The following OR4D2 variants were observed in gnomAD, a reference collection of about 807,000 sequenced individuals.
OR4D2 encodes the protein olfactory receptor family 4 subfamily D member 2.
Under a neutral mutation model 12.4 loss-of-function variants are expected in OR4D2, and 9 were observed. The ratio of observed to expected loss-of-function variants is 0.73; its 90% CI spans 0.44 to 1.27. The LOEUF is 1.27. Ranked by LOEUF, OR4D2 falls within the 50% of genes most tolerant of loss-of-function variation. OR4D2 has a pLI of 0.00. For synonymous variants in OR4D2, 151 were observed against 151.1 expected (o/e 1.00, Z 0.01); for missense variants, 373 against 381.6 (o/e 0.98, Z 0.19).
chr17:58,167,111 G>T (rs779320198), intron 1 of OR4D2, 58 bp downstream of exon 1: 5 of 152,226 alleles, frequency 3.3e-5, no homozygotes, highest in Non-Finnish European at 7.3e-5. Flanking sequence ...ACATTTACCT[G>T]CTAATATATT....
In OR4D2 at chr17:58,170,661, C is replaced by A; in HGVS notation, c.*82C>A. Reference sequence around the variant, plus strand: ...AGGGAGCTACTACCTTTGCTCTCTTCATAGTGTGTTGAGGTTCATCATAGC... The same window carrying A: ...AGGGAGCTACTACCTTTGCTCTCTTAATAGTGTGTTGAGGTTCATCATAGC... On this transcript the variant is annotated 3_prime_UTR_variant, in exon 2 of 2. Transcript: ENST00000545221. 9.1e-7 allele frequency: 1 copy of A among 1,093,614 alleles called. No individual in the cohort carries two copies. The highest frequency in any genetic ancestry group is 1.4e-6 in the Non-Finnish European group (1 of 710,334). 67.7% of individuals were successfully genotyped at this position (1,093,614 alleles called of 1,614,324 possible).
rs536953035 is a variant in OR4D2 at position 58,166,986 on chromosome 17, A to G, written c.-86A>G. 4 of 152,400 alleles carry G rather than the reference A, an allele frequency of 2.6e-5. No individual in the cohort carries two copies. The highest frequency in any genetic ancestry group is 5.9e-5 in the Non-Finnish European group (4 of 68,046). 9.4% of individuals were successfully genotyped at this position (152,400 alleles called of 1,614,324 possible). A position where few individuals can be genotyped will look rare whatever the true frequency, so the allele number is the denominator to read the frequency against. On this transcript the variant is annotated 5_prime_UTR_variant, in exon 1 of 2. Transcript: ENST00000545221. Reference sequence around the variant, plus strand: ...ACGGATGCCTCCGATTACATAGGAAAACAACAAAGCACAGAATTCGCCCTA... The same window carrying G: ...ACGGATGCCTCCGATTACATAGGAAGACAACAAAGCACAGAATTCGCCCTA...
chr17:58,169,455 T>A (rs183560791), intron 1 of OR4D2, 183 bp from the exon 2 acceptor site: 720 of 602,366 alleles, frequency 1.2e-3, no homozygotes, highest in Non-Finnish European at 1.8e-3. Flanking sequence ...GGCGTTAAGA[T>A]TTCAGGAATG....
At chr17:58,168,172 CT>C (rs1477299837) in intron 1 of OR4D2, among the ~76,000 whole-genome samples, 1 of 150,954 alleles carries the variant, frequency 6.6e-6, no homozygotes, top group Non-Finnish European at 1.5e-5. Flanking sequence ...CACTGACCCC[CT>C]CCCCTGTCAC....
rs1220183097 is a variant in OR4D2 at position 58,170,649 on chromosome 17, C to A, written c.*70C>A. ...TGTGAAGTGGAGAGGGAGCTACTACCTTTGCTCTCTTCATAGTGTGTTGAG... is the reference window on the plus strand; with the variant it reads ...TGTGAAGTGGAGAGGGAGCTACTACATTTGCTCTCTTCATAGTGTGTTGAG... On this transcript the variant is annotated 3_prime_UTR_variant, in exon 2 of 2. Coordinates refer to ENST00000545221, the MANE Select transcript of OR4D2 (RefSeq NM_001004707.4). 16 of 1,182,748 alleles carry A rather than the reference C, an allele frequency of 1.4e-5. No individual in the cohort carries two copies. The highest frequency in any genetic ancestry group is 2.3e-5 in the East Asian group (1 of 42,930). The allele number at this position is 1,182,748 out of a possible 1,614,324, so 73.3% of individuals were successfully genotyped here.
rs1483482128 is a variant in OR4D2, at chr17:58,167,015, G to C, written c.-57G>C. 6.6e-6 allele frequency: 1 copy of C among 152,270 alleles called. No individual in the cohort carries two copies. Among genetic ancestry groups the C allele is most frequent in the Non-Finnish European group, 1.5e-5 (1 of 68,054 alleles). 9.4% of individuals were successfully genotyped at this position (152,270 alleles called of 1,614,324 possible). Reference sequence around the variant, plus strand: ...ACAAAGCACAGAATTCGCCCTATGAGACTTAGAGGGAGGATGCTCACAGCA... The same window carrying C: ...ACAAAGCACAGAATTCGCCCTATGACACTTAGAGGGAGGATGCTCACAGCA... On this transcript the variant is annotated 5_prime_UTR_variant, in exon 1 of 2. Coordinates refer to ENST00000545221, the MANE Select transcript of OR4D2 (RefSeq NM_001004707.4).
chr17:58,169,522 G>T, intron 1 of OR4D2, 116 bp from the exon 2 acceptor site: 1 of 721,622 alleles, frequency 1.4e-6, no homozygotes, highest in East Asian at 2.5e-5. Context: ...CTAGTATAAT[G>T]GTCTACACAT....
intron 1 of OR4D2, chr17:58,169,372 GA>G (rs1196042825): frequency 6.8e-6 from 3 of 443,200 alleles, no homozygotes; most frequent in African/African-American, 6.0e-5. Context: ...TTTGACTTCA[GA>G]TGTATCTGAC....
At position 58,169,901 on chromosome 17, in the gene OR4D2, A is replaced by G. The variant is rs756527261; in HGVS notation, c.246A>G (p.Leu82=). ...CTTCAGTCACTGCTCCCAAAATGCTAGTGGACCTCCTCTCTGAGAAGAAAA... is the reference window on the plus strand; with the variant it reads ...CTTCAGTCACTGCTCCCAAAATGCTGGTGGACCTCCTCTCTGAGAAGAAAA... The part of the protein sequence containing the change: ...CFSSVTAPKM[L]VDLLSEKKTI... Residue 82 remains leucine (L), a synonymous_variant, in exon 2 of 2, where the codon CTA becomes CTG. Coordinates refer to ENST00000545221, the MANE Select transcript of OR4D2 (RefSeq NM_001004707.4). The G allele has an allele frequency of 1.2e-6, 2 of 1,614,092 alleles. No homozygotes were observed.
In OR4D2 at chr17:58,170,785, C is replaced by A; in HGVS notation, c.*206C>A. On this transcript the variant is annotated 3_prime_UTR_variant, in exon 2 of 2. Coordinates refer to ENST00000545221, the MANE Select transcript of OR4D2 (RefSeq NM_001004707.4). Reference sequence around the variant, plus strand: ...TTGTGATAAAGAGTTTTAACACACTCGCAACAATGAGAATTGTTCACATGG... The same window carrying A: ...TTGTGATAAAGAGTTTTAACACACTAGCAACAATGAGAATTGTTCACATGG... The A allele has an allele frequency of 1.7e-6, 1 of 578,332 alleles. No individual in the cohort carries two copies. Among genetic ancestry groups the A allele is most frequent in the Non-Finnish European group, 3.1e-6 (1 of 324,782 alleles). The allele number at this position is 578,332 out of a possible 1,614,324, so 35.8% of individuals were successfully genotyped here.
rs1967933932 is a variant in OR4D2 at position 58,169,684 on chromosome 17, C to T, written c.29C>T (p.Ser10Leu). The change falls in exon 2 of 2, where the codon TCA becomes TTA. Residue 10 changes from serine to leucine, a missense_variant. Ser to Leu is a moderately radical substitution (Grantham distance 145, BLOSUM62 -2). Transcript: ENST00000545221. METGNLTWV[S>L]DFVFLGLSQT... is the part of the protein sequence containing the mutation. The stretch of plus-strand genomic sequence containing the variant: ...GAAACAGGGAACCTCACGTGGGTAT[C>T]AGACTTTGTCTTCCTGGGGCTCTCG... 6.2e-7 allele frequency: 1 copy of T among 1,613,966 alleles called. No homozygotes were observed. The highest frequency in any genetic ancestry group is 1.1e-5 in the South Asian group (1 of 91,090).
Position 58,170,423 on chromosome 17 carries a change from C to T in OR4D2, c.768C>T (p.Tyr256=). 6.2e-7 allele frequency: 1 copy of T among 1,614,248 alleles called. No homozygotes were observed. Among genetic ancestry groups the T allele is most frequent in the South Asian group, 1.1e-5 (1 of 91,086 alleles). Residue 256 remains tyrosine (Y), a synonymous_variant, in exon 2 of 2, where the codon TAC becomes TAT. Transcript: ENST00000545221. ...CCATGATCTTCGTTCCAAGCATTTA[C>T]CTCTATGCCCGGCCCTTCACTCCAT... The part of the protein sequence containing the change: ...VVSMIFVPSI[Y]LYARPFTPFP...
At chr17:58,167,751 A>T (rs1327957749) in intron 1 of OR4D2, among the ~76,000 whole-genome samples, 1 of 151,522 alleles carries the variant, frequency 6.6e-6, no homozygotes, top group Non-Finnish European at 1.5e-5. Context: ...GCGGTGGCTC[A>T]TGCCTGTAAT....
At chr17:58,168,788 A>T (rs567456751) in intron 1 of OR4D2, among the ~76,000 whole-genome samples, 2 of 152,048 alleles carry the variant, frequency 1.3e-5, no homozygotes, top group African/African-American at 4.8e-5. Flanking sequence ...CTCTTGTCTC[A>T]GCACCACCAC....
rs1488317380 is a variant in OR4D2, at chr17:58,170,840, T to C, written c.*261T>C. On this transcript the variant is annotated 3_prime_UTR_variant, in exon 2 of 2. Coordinates refer to ENST00000545221, the MANE Select transcript of OR4D2 (RefSeq NM_001004707.4). ...TGAAAACCACACCTTCCTTTTCACC[T>C]TCTTGGTGGACAGTTTCCTGTTGAC... is the stretch of plus-strand genomic sequence containing the variant. The C allele has an allele frequency of 4.2e-6, 2 of 480,090 alleles. No homozygotes were observed. Among genetic ancestry groups the C allele is most frequent in the Non-Finnish European group, 7.5e-6 (2 of 265,084 alleles). The allele number at this position is 480,090 out of a possible 1,614,324, so 29.7% of individuals were successfully genotyped here.
intron 1 of OR4D2, among the ~76,000 whole-genome samples, chr17:58,168,660 C>T (rs1967921757): frequency 6.6e-6 from 1 of 152,190 alleles, no homozygotes; most frequent in Non-Finnish European, 1.5e-5. Context: ...TTGTCTCCCA[C>T]CCTTGGATTC....
At position 58,170,025 on chromosome 17, in the gene OR4D2, A is replaced by G; in HGVS notation, c.370A>G (p.Ile124Val). Reference sequence around the variant, plus strand: ...CTCAGTGATGGCCTTTGACCGCCTCATTGCCATCTCCCGGCCCCTCCGCTA... The same window carrying G: ...CTCAGTGATGGCCTTTGACCGCCTCGTTGCCATCTCCCGGCCCCTCCGCTA... ...FLSVMAFDRL[I>V]AISRPLRYVT... Residue 124 changes from isoleucine to valine, a missense_variant, in exon 2 of 2, where the codon ATT becomes GTT. Transcript: ENST00000545221. The G allele has an allele frequency of 1.2e-6, 2 of 1,613,924 alleles. No homozygotes were observed. The highest frequency in any genetic ancestry group is 2.2e-5 in the East Asian group (1 of 44,858).
At chr17:58,167,953 G>A (rs928239224) in intron 1 of OR4D2, among the ~76,000 whole-genome samples, 6 of 130,920 alleles carry the variant, frequency 4.6e-5, no homozygotes, top group Admixed American at 8.4e-5. Flanking sequence ...CAGTGAGTGA[G>A]CCGAGATCGC....
At chr17:58,168,348 T>G (rs1967915798) in intron 1 of OR4D2, among the ~76,000 whole-genome samples, 1 of 152,042 alleles carries the variant, frequency 6.6e-6, no homozygotes, top group African/African-American at 2.4e-5. Flanking sequence ...AGATTACAGG[T>G]GTGTGCCACC....
Sources: gnomAD v4.1 joint callset for allele counts (sites outside exome capture counted in the v4.1 genomes callset) on GRCh38, gnomAD v4.1.1 for gene constraint, MANE v1.5 for transcripts, NCBI Gene and HGNC (gene_info 2026-07-23, HGNC 2026-07-21) for gene names.